The following TMEM38B variants were observed in gnomAD, a reference collection of about 807,000 sequenced individuals.
TMEM38B encodes trimeric intracellular cation channel type B.
TMEM38B carries 24 observed loss-of-function variants against 28.7 expected under a neutral mutation model. The observed-to-expected ratio is 0.84, with a 90% CI of 0.61 to 1.18. TMEM38B has a LOEUF of 1.18. TMEM38B is among the 50% of genes most tolerant of loss of function. The pLI, the probability that TMEM38B is intolerant of heterozygous loss-of-function variation, is 0.00. For missense variants in TMEM38B, 380 were observed against 350.9 expected (o/e 1.08, Z -0.66); for synonymous variants, 131 against 127.7 (o/e 1.03, Z -0.17).
intron 4 of TMEM38B, 111 bp downstream of exon 4, chr9:105,722,732 A>C (rs1219073856): frequency 5.2e-6 from 4 of 766,960 alleles, no homozygotes; most frequent in Non-Finnish European, 8.4e-6. Context: ...ATAGCTGAAA[A>C]TATAAATAGT....
intron 2 of TMEM38B, among the ~76,000 whole-genome samples, chr9:105,721,027 G>A (rs996361158): frequency 3.3e-5 from 5 of 152,240 alleles, no homozygotes; most frequent in Admixed American, 1.3e-4. Context: ...CTTGTGAGCC[G>A]TCATGTACCT....
At chr9:105,772,836 T>A (rs886543817) in intron 5 of TMEM38B, among the ~76,000 whole-genome samples, 1 of 152,160 alleles carries the variant, frequency 6.6e-6, no homozygotes, top group Non-Finnish European at 1.5e-5. Flanking sequence ...TAACAGTATG[T>A]TCTAAGAATT....
intron 2 of TMEM38B, among the ~76,000 whole-genome samples, 199 bp downstream of exon 2, chr9:105,705,952 G>A (rs1835646872): frequency 6.7e-6 from 1 of 149,556 alleles, no homozygotes; most frequent in South Asian, 2.1e-4. Flanking sequence ...CCAGGCTGAA[G>A]TGCAATGGCA....
chr9:105,754,860 A>G (rs1220978937), intron 5 of TMEM38B, among the ~76,000 whole-genome samples: 1 of 152,202 alleles, frequency 6.6e-6, no homozygotes, highest in Non-Finnish European at 1.5e-5. Flanking sequence ...AACGTTTATA[A>G]ATAGACTACT....
intron 2 of TMEM38B, chr9:105,710,267 T>C: frequency 3.2e-6 from 2 of 621,888 alleles, no homozygotes; most frequent in South Asian, 3.5e-5. Flanking sequence ...ACAACTGTAC[T>C]GGATATTCCA....
chr9:105,747,821 C>G (rs1837479925), intron 4 of TMEM38B, among the ~76,000 whole-genome samples: 1 of 152,138 alleles, frequency 6.6e-6, no homozygotes, highest in Non-Finnish European at 1.5e-5. Flanking sequence ...TTTCTGCCTT[C>G]ATTTTGTTAT....
intron 4 of TMEM38B, among the ~76,000 whole-genome samples, chr9:105,743,982 A>AATT (rs1445398194): frequency 6.6e-6 from 1 of 152,150 alleles, no homozygotes. Flanking sequence ...GTTATTCTAA[A>AATT]ATCTATAGTT....
chr9:105,760,709 C>G (rs971404000), intron 5 of TMEM38B: 26 of 1,253,090 alleles, frequency 2.1e-5, no homozygotes, highest in Non-Finnish European at 2.8e-5. Context: ...ATCAAGCAAC[C>G]AATGCTGATT....
chr9:105,731,980 CTT>C (rs1264870366), intron 4 of TMEM38B, among the ~76,000 whole-genome samples: 2 of 152,132 alleles, frequency 1.3e-5, no homozygotes, highest in African/African-American at 4.8e-5. Flanking sequence ...TGTTTCCTGA[CTT>C]TTTAATGATC....
intron 5 of TMEM38B, among the ~76,000 whole-genome samples, chr9:105,772,812 G>A (rs1826598756): frequency 6.6e-6 from 1 of 151,906 alleles, no homozygotes; most frequent in Admixed American, 6.6e-5. Flanking sequence ...CTTGTTTTGT[G>A]TCTCATTTTC....
chr9:105,724,106 G>A (rs112788092), intron 4 of TMEM38B, among the ~76,000 whole-genome samples: 201 of 152,172 alleles, frequency 1.3e-3, no homozygotes, highest in African/African-American at 4.6e-3. Flanking sequence ...AAAGTGCTGG[G>A]ATTACAGGCT....
intron 4 of TMEM38B, among the ~76,000 whole-genome samples, chr9:105,737,247 C>G (rs923646247): frequency 6.6e-6 from 1 of 152,128 alleles, no homozygotes. Flanking sequence ...TCCCATGGGG[C>G]AGGGATGTAG....
Position 105,775,505 on chromosome 9 carries a change from G to A in TMEM38B, c.*1425G>A, listed in dbSNP as rs1175815276. 6.6e-6 allele frequency: 1 copy of A among 151,442 alleles called. No individual in the cohort carries two copies. The highest frequency in any genetic ancestry group is 6.6e-5 in the Admixed American group (1 of 15,206). The allele number at this position is 151,442 out of a possible 1,614,324, so 9.4% of individuals were successfully genotyped here. A position where few individuals can be genotyped will look rare whatever the true frequency, so the allele number is the denominator to read the frequency against. On this transcript the variant is annotated 3_prime_UTR_variant, in exon 6 of 6. Coordinates refer to ENST00000374692, the MANE Select transcript of TMEM38B (RefSeq NM_018112.3). ...AGTTAGAAGTTTTTTTTTTGTTGTTGTTATTTTAAATTTTTAACAAATATA... is the reference window on the plus strand; with the variant it reads ...AGTTAGAAGTTTTTTTTTTGTTGTTATTATTTTAAATTTTTAACAAATATA...
intron 4 of TMEM38B, among the ~76,000 whole-genome samples, chr9:105,733,960 T>A (rs1836872126): frequency 6.6e-6 from 1 of 152,128 alleles, no homozygotes; most frequent in African/African-American, 2.4e-5. Context: ...TTGATTTATT[T>A]CTGTATTCTT....
chr9:105,748,201 A>G lies in TMEM38B; in HGVS notation c.660+11A>G, dbSNP rs1199195381. 1 of 1,566,068 alleles carries G rather than the reference A, an allele frequency of 6.4e-7. No homozygotes were observed. The highest frequency in any genetic ancestry group is 1.3e-5 in the African/African-American group (1 of 74,078). On this transcript the variant is annotated intron_variant, in intron 5 of 5. Transcript: ENST00000374692. ...ATTGTGGCCACAAAGGTAAGAATTCAAAGTACCTATAATTATTACAAATCC... is the reference window on the plus strand; with the variant it reads ...ATTGTGGCCACAAAGGTAAGAATTCGAAGTACCTATAATTATTACAAATCC...
At chr9:105,697,905 G>C (rs1477323805) in intron 1 of TMEM38B, among the ~76,000 whole-genome samples, 4 of 151,998 alleles carry the variant, frequency 2.6e-5, no homozygotes, top group Non-Finnish European at 5.9e-5. Context: ...TAAAAGTATA[G>C]GTTCGTAATC....
chr9:105,727,060 T>C (rs1836544261), intron 4 of TMEM38B, among the ~76,000 whole-genome samples: 1 of 152,166 alleles, frequency 6.6e-6, no homozygotes, highest in Non-Finnish European at 1.5e-5. Flanking sequence ...TTATTTTGTG[T>C]GTGTGCAGCA....
intron 4 of TMEM38B, among the ~76,000 whole-genome samples, chr9:105,733,421 C>CTTTG (rs1554778339): frequency 7.8e-6 from 1 of 127,874 alleles, no homozygotes; most frequent in African/African-American, 2.9e-5. Flanking sequence ...TTTCTTTTTT[C>CTTTG]TTTTTTTTTT....
intron 4 of TMEM38B, among the ~76,000 whole-genome samples, chr9:105,747,568 C>T (rs1275291539): frequency 6.6e-6 from 1 of 152,156 alleles, no homozygotes; most frequent in Non-Finnish European, 1.5e-5. Flanking sequence ...TTTTGTGTCT[C>T]TATCTCCTTC....
Sources: gnomAD v4.1 joint callset for allele counts (sites outside exome capture counted in the v4.1 genomes callset) on GRCh38, gnomAD v4.1.1 for gene constraint, MANE v1.5 for transcripts, NCBI Gene and HGNC (gene_info 2026-07-23, HGNC 2026-07-21) for gene names.